The following GNA14 variants were observed in gnomAD, a reference collection of about 807,000 sequenced individuals.
GNA14 encodes the protein guanine nucleotide-binding protein subunit alpha-14.
In GNA14, 50 loss-of-function variants were observed where a neutral mutation model predicts 42.0. The ratio of observed to expected loss-of-function variants is 1.19; its 90% CI spans 0.95 to 1.51. The LOEUF is 1.51. GNA14 is among the 40% of genes most tolerant of loss of function. The pLI is 0.00. For missense variants in GNA14, 473 were observed against 446.2 expected (o/e 1.06, Z -0.54); for synonymous variants, 173 against 163.1 (o/e 1.06, Z -0.46).
intron 2 of GNA14, among the ~76,000 whole-genome samples, chr9:77,462,381 C>A (rs1421628031): frequency 6.6e-6 from 1 of 152,110 alleles, no homozygotes; most frequent in Non-Finnish European, 1.5e-5. Context: ...ACGGTATGCT[C>A]CCCCTTTCCT....
At chr9:77,449,820 A>G (rs2131702748) in intron 2 of GNA14, among the ~76,000 whole-genome samples, 1 of 152,352 alleles carries the variant, frequency 6.6e-6, no homozygotes, top group South Asian at 2.1e-4. Flanking sequence ...ATTAGGAAAT[A>G]AAGTTCTTTG....
At chr9:77,500,952 G>A (rs1422783207) in intron 2 of GNA14, among the ~76,000 whole-genome samples, 1 of 151,862 alleles carries the variant, frequency 6.6e-6, no homozygotes, top group African/African-American at 2.4e-5. Context: ...TTGTATGGTA[G>A]TTGAACTCTT....
At chr9:77,518,211 G>A (rs1036812218) in intron 2 of GNA14, 1 of 152,072 alleles carries the variant, frequency 6.6e-6, no homozygotes, top group African/African-American at 2.4e-5. Context: ...CAAAACTGTT[G>A]AGGATAAAAA....
At chr9:77,616,224 A>G (rs1823815080) in intron 1 of GNA14, among the ~76,000 whole-genome samples, 1 of 152,206 alleles carries the variant, frequency 6.6e-6, no homozygotes, top group South Asian at 2.1e-4. Flanking sequence ...AACATTCTTG[A>G]CTATTTGGAA....
chr9:77,524,193 A>G (rs569232024), intron 2 of GNA14, among the ~76,000 whole-genome samples: 1 of 152,368 alleles, frequency 6.6e-6, no homozygotes, highest in South Asian at 2.1e-4. Context: ...TAATAAAATA[A>G]GCAGGCAAGG....
chr9:77,615,284 G>T (rs929652729), intron 1 of GNA14, among the ~76,000 whole-genome samples: 1 of 152,044 alleles, frequency 6.6e-6, no homozygotes, highest in East Asian at 1.9e-4. Context: ...CCAAATTGGG[G>T]TTTCAGGAGA....
chr9:77,537,852 C>T (rs188914943), intron 1 of GNA14, among the ~76,000 whole-genome samples: 2 of 152,216 alleles, frequency 1.3e-5, no homozygotes, highest in South Asian at 2.1e-4. Context: ...TTTCACATAC[C>T]TGTTGGCCAT....
intron 1 of GNA14, among the ~76,000 whole-genome samples, chr9:77,568,221 T>TG (rs1171310476): frequency 2.6e-5 from 4 of 151,818 alleles, no homozygotes; most frequent in Non-Finnish European, 2.9e-5. Context: ...GAGGCCGAGG[T>TG]GGGGGGATCA....
In GNA14 at chr9:77,430,471, G is replaced by T. The variant is rs1262380855; in HGVS notation, c.593+850C>A. On this transcript the variant is annotated intron_variant, in intron 4 of 6. Transcript: ENST00000341700. ...GTGAAAAGGTTTAGAGAAATTCATG[G>T]GCACACAGGCACAGAGGGCTACTAT... 2.0e-5 allele frequency among the ~76,000 whole-genome samples: 3 copies of T among 152,198 alleles called. No homozygotes were observed. In the East Asian group the frequency reaches 5.8e-4, roughly 29 times the overall value.
At chr9:77,429,344 G>A (rs375451721) in intron 4 of GNA14, among the ~76,000 whole-genome samples, 1 of 152,110 alleles carries the variant, frequency 6.6e-6, no homozygotes, top group African/African-American at 2.4e-5. Flanking sequence ...GTTCACTTGG[G>A]TTCTGTGACA....
intron 1 of GNA14, among the ~76,000 whole-genome samples, chr9:77,552,913 T>A (rs184260490): frequency 8.5e-5 from 13 of 152,316 alleles, no homozygotes; most frequent in Admixed American, 5.2e-4. Context: ...AACACTGTAC[T>A]GCAGGCTGCC....
chr9:77,479,943 A>G (rs1345560875), intron 2 of GNA14, among the ~76,000 whole-genome samples: 1 of 152,078 alleles, frequency 6.6e-6, no homozygotes, highest in South Asian at 2.1e-4. Context: ...GCTTAAGGAG[A>G]TTTTGGGCTG....
chr9:77,464,377 G>GTGTGTGTGTGTGTGTGTA (rs1836181781), intron 2 of GNA14, among the ~76,000 whole-genome samples: 4 of 150,412 alleles, frequency 2.7e-5, no homozygotes, highest in Admixed American at 1.3e-4. Flanking sequence ...GTGTGTGTGT[G>GTGTGTGTGTGTGTGTGTA]TGTGTGTGTG....
rs530278575 is a variant in GNA14, at chr9:77,510,761, C to T, written c.309+18308G>A. Among the ~76,000 whole-genome samples, 3 of 152,274 alleles carry T rather than the reference C, an allele frequency of 2.0e-5. No homozygotes were observed. In the East Asian group the frequency reaches 5.8e-4, roughly 29 times the overall value. On this transcript the variant is annotated intron_variant, in intron 2 of 6. Coordinates refer to ENST00000341700, the MANE Select transcript of GNA14 (RefSeq NM_004297.4). ...TCCCTTTGGCCCTTTTCGTATCAGG[C>T]CCCTAGGATATAATTAGGAGGCAGC...
intron 2 of GNA14, among the ~76,000 whole-genome samples, chr9:77,444,599 G>C (rs979291160): frequency 6.6e-6 from 1 of 152,170 alleles, no homozygotes; most frequent in African/African-American, 2.4e-5. Context: ...CCAGCCTGCT[G>C]ACCTGTAGCA....
chr9:77,525,465 C>T (rs971267134), intron 2 of GNA14, among the ~76,000 whole-genome samples: 5 of 151,738 alleles, frequency 3.3e-5, no homozygotes, highest in Admixed American at 2.6e-4. Context: ...GAGGAGGAGA[C>T]GGGAGGTACA....
At chr9:77,576,788 T>TA (rs35597917) in intron 1 of GNA14, among the ~76,000 whole-genome samples, 82,824 of 148,700 alleles carry the variant, frequency 0.56, 25,013 homozygotes, top group East Asian at 0.92. Context: ...GTTAAAAGGT[T>TA]AAAAAAAAAA....
intron 1 of GNA14, among the ~76,000 whole-genome samples, chr9:77,572,879 G>A (rs1823080506): frequency 6.6e-6 from 1 of 152,112 alleles, no homozygotes; most frequent in Admixed American, 6.6e-5. Flanking sequence ...GTTCCATTGT[G>A]GCTTCATGGA....
chr9:77,486,042 G>A (rs969060762), intron 2 of GNA14, among the ~76,000 whole-genome samples: 4 of 152,156 alleles, frequency 2.6e-5, no homozygotes, highest in African/African-American at 9.7e-5. Context: ...ACTGAACCCA[G>A]GCATTGACTT....
Sources: allele counts gnomAD v4.1 joint callset (sites outside exome capture counted in the v4.1 genomes callset), GRCh38; gene constraint gnomAD v4.1.1; transcripts MANE v1.5; gene names NCBI Gene and HGNC (gene_info 2026-07-23, HGNC 2026-07-21).